Variants in FNDC1 observed in about 807,000 individuals in gnomAD.
FNDC1 encodes the protein fibronectin type III domain-containing protein 1.
In FNDC1, 96 loss-of-function variants were observed where a neutral mutation model predicts 168.0. The ratio of observed to expected loss-of-function variants is 0.57; its 90% CI spans 0.48 to 0.68. The LOEUF (loss-of-function observed/expected upper bound fraction) is 0.68, where lower values mean the gene tolerates loss of function less well. Among genes scored for constraint, FNDC1 ranks in the 30% least tolerant of loss-of-function variants. The probability of loss-of-function intolerance (pLI) is 0.00; values close to 1 mark genes in which losing one functional copy is unlikely to be tolerated. For missense variants in FNDC1, 2,587 were observed against 2,482.1 expected (o/e 1.04, Z -0.90); for synonymous variants, 1,099 against 1,025.9 (o/e 1.07, Z -1.36).
At chr6:159,225,120 A>G (rs1406072203) in intron 7 of FNDC1, among the ~76,000 whole-genome samples, 2 of 151,974 alleles carry the variant, frequency 1.3e-5, no homozygotes, top group Non-Finnish European at 2.9e-5. Flanking sequence ...TCTTTTCTGG[A>G]GAGCTGAGAT....
intron 18 of FNDC1, among the ~76,000 whole-genome samples, chr6:159,257,354 G>A (rs543833311): frequency 2.6e-5 from 4 of 152,310 alleles, no homozygotes; most frequent in Admixed American, 2.0e-4. Flanking sequence ...TTGGTTGATA[G>A]CATTTGCCAA....
rs772744362 is a variant in FNDC1 at position 159,232,236 on chromosome 6, C to A, written c.1724C>A (p.Ser575Ter). The part of the protein sequence containing the change: ...TLRPPSRHGH[S>*]VVAPGRTAVR... ...AGGCCGCCAAGTAGACACGGCCACTCGGTGGTTGCTCCCGGCAGGACTGCA... is the reference window on the plus strand; with the variant it reads ...AGGCCGCCAAGTAGACACGGCCACTAGGTGGTTGCTCCCGGCAGGACTGCA... Residue 575 changes from serine (S) to a stop codon, truncating the protein, a stop_gained, in exon 11 of 23, where the codon TCG (serine) becomes TAG (stop). Transcript: ENST00000297267. LOFTEE classifies it high-confidence loss of function. The surrounding 1 kb of genome is among the most constrained non-coding windows in gnomAD (Gnocchi z 4.9). 6.2e-7 allele frequency: 1 copy of A among 1,612,080 alleles called. No individual in the cohort carries two copies.
chr6:159,236,074 T>C, intron 11 of FNDC1, 141 bp from the exon 12 acceptor site: 1 of 593,404 alleles, frequency 1.7e-6, no homozygotes, highest in East Asian at 2.8e-5. Flanking sequence ...TTATCTAATA[T>C]ATTTGAGCTA....
In FNDC1 at chr6:159,233,639, C is replaced by T. The variant is rs1783161930; in HGVS notation, c.3127C>T (p.Pro1043Ser). 2 of 1,555,800 alleles carry T rather than the reference C, an allele frequency of 1.3e-6. No individual in the cohort carries two copies. The highest frequency in any genetic ancestry group is 1.4e-5 in the African/African-American group (1 of 73,320). ...LSLTQAGRPRPTSQGRSHSSS... is the reference protein window; with the variant it reads ...LSLTQAGRPRSTSQGRSHSSS... Reference sequence around the variant, plus strand: ...ACTGACCCAGGCCGGGCGGCCCCGCCCCACGTCGCAGGGCCGCTCCCACTC... The same window carrying T: ...ACTGACCCAGGCCGGGCGGCCCCGCTCCACGTCGCAGGGCCGCTCCCACTC... The change falls in exon 11 of 23, where the codon CCC becomes TCC. Residue 1043 changes from proline to serine, a missense_variant. Coordinates refer to ENST00000297267, the MANE Select transcript of FNDC1 (RefSeq NM_032532.3). The surrounding 1 kb of genome is among the most constrained non-coding windows in gnomAD (Gnocchi z 4.6).
In FNDC1 at chr6:159,220,828, G is replaced by T. The variant is rs9457571; in HGVS notation, c.668-770G>T. The stretch of plus-strand genomic sequence containing the variant: ...AAAGGCTGGCCCTCCCTGTGCACGG[G>T]TTTGGCACCTCTGGAATACAATCCT... On this transcript the variant is annotated intron_variant, in intron 5 of 22. Coordinates refer to ENST00000297267, the MANE Select transcript of FNDC1 (RefSeq NM_032532.3). 5.4e-4 allele frequency among the ~76,000 whole-genome samples: 83 copies of T among 152,298 alleles called. 1 individual carries two copies. The highest frequency in any genetic ancestry group is 1.9e-3 in the African/African-American group (81 of 41,566).
chr6:159,258,502 G>A (rs544173871), intron 18 of FNDC1, among the ~76,000 whole-genome samples: 1 of 152,316 alleles, frequency 6.6e-6, no homozygotes, highest in Non-Finnish European at 1.5e-5. Context: ...CAGAGAGGAT[G>A]TCTCAAAGAA....
intron 5 of FNDC1, among the ~76,000 whole-genome samples, chr6:159,216,615 G>A (rs1358258347): frequency 6.6e-6 from 1 of 152,210 alleles, no homozygotes; most frequent in Non-Finnish European, 1.5e-5. Context: ...GTTGGAAGGA[G>A]CATGGGGCAA....
At position 159,232,439 on chromosome 6, in the gene FNDC1, G is replaced by A. The variant is rs1783110621; in HGVS notation, c.1927G>A (p.Asp643Asn). ...CCTGCCTGCCAGCTTGAATGACAAC[G>A]ACTTGGTGGACTCAGACGAAGATGA... ...PSLPASLNDN[D>N]LVDSDEDERA... The change falls in exon 11 of 23, where the codon GAC (aspartate) becomes AAC (asparagine). Residue 643 changes from aspartate (D) to asparagine (N), a missense_variant. Physicochemically the swap from Asp to Asn is conservative, Grantham distance 23 (BLOSUM62 1). Coordinates refer to ENST00000297267, the MANE Select transcript of FNDC1 (RefSeq NM_032532.3). The surrounding 1 kb of genome is among the most constrained non-coding windows in gnomAD (Gnocchi z 4.9). 1.2e-6 allele frequency: 2 copies of A among 1,611,748 alleles called. No homozygotes were observed. The highest frequency in any genetic ancestry group is 1.1e-5 in the South Asian group (1 of 90,912).
chr6:159,184,760 A>G (rs1781957506), intron 1 of FNDC1, among the ~76,000 whole-genome samples: 1 of 152,196 alleles, frequency 6.6e-6, no homozygotes, highest in African/African-American at 2.4e-5. Context: ...CTGGCATGCC[A>G]AGCAGTTTAT....
At chr6:159,186,747 G>A (rs113942286) in intron 1 of FNDC1, among the ~76,000 whole-genome samples, 90 of 152,330 alleles carry the variant, frequency 5.9e-4, no homozygotes, top group African/African-American at 1.9e-3. Context: ...TGGTGGTGGC[G>A]CTGACAGTCT....
chr6:159,257,267 T>C (rs1287716639), intron 18 of FNDC1, among the ~76,000 whole-genome samples: 2 of 152,140 alleles, frequency 1.3e-5, no homozygotes, highest in Admixed American at 6.5e-5. Context: ...CCTGGGTGGG[T>C]GAGCATGGGA....
At chr6:159,191,052 G>A (rs1320829300) in intron 1 of FNDC1, among the ~76,000 whole-genome samples, 2 of 152,218 alleles carry the variant, frequency 1.3e-5, no homozygotes, top group Non-Finnish European at 2.9e-5. Flanking sequence ...CAAAGGGGAA[G>A]CAAGAACGTC....
chr6:159,251,169 A>G, intron 16 of FNDC1, 133 bp from the exon 17 acceptor site: 1 of 652,794 alleles, frequency 1.5e-6, no homozygotes, highest in Middle Eastern at 2.5e-4. Flanking sequence ...TGAGCTTGGC[A>G]TCAAGGCTGA....
chr6:159,266,684 T>G (rs865905549), intron 21 of FNDC1, among the ~76,000 whole-genome samples: 616 of 17,348 alleles, frequency 0.036, 1 homozygote, highest in Non-Finnish European at 0.052. Flanking sequence ...TCTAGGGTTT[T>G]TTTTTTTTTT....
rs867385782 is a variant in FNDC1 at position 159,256,744 on chromosome 6, C to G, written c.5174+113C>G. The G allele has an allele frequency of 6.0e-5, 47 of 785,180 alleles. No individual in the cohort carries two copies. The Admixed American group carries it at 6.9e-4, about 11-fold the overall frequency. 48.6% of individuals were successfully genotyped at this position (785,180 alleles called of 1,614,324 possible). ...ATGTTTTTGTGATTTCTTTGAATACCCTGTTTGGTTCTAATAGAATGTCAA... is the reference window on the plus strand; with the variant it reads ...ATGTTTTTGTGATTTCTTTGAATACGCTGTTTGGTTCTAATAGAATGTCAA... On this transcript the variant is annotated intron_variant, in intron 18 of 22. Transcript: ENST00000297267.
chr6:159,197,211 A>T (rs1426819743), intron 1 of FNDC1, among the ~76,000 whole-genome samples: 6 of 152,184 alleles, frequency 3.9e-5, no homozygotes, highest in African/African-American at 1.4e-4. Flanking sequence ...TAAATTTACC[A>T]CCTACGGTTA....
At position 159,232,398 on chromosome 6, in the gene FNDC1, C is replaced by A. The variant is rs1222250591; in HGVS notation, c.1886C>A (p.Thr629Asn). The A allele has an allele frequency of 6.2e-7, 1 of 1,612,974 alleles. No homozygotes were observed. The highest frequency in any genetic ancestry group is 8.5e-7 in the Non-Finnish European group (1 of 1,179,368). Residue 629 changes from threonine to asparagine, a missense_variant, in exon 11 of 23, where the codon ACC (threonine) becomes AAC (asparagine). Physicochemically the swap from Thr to Asn is moderately conservative, Grantham distance 65. Coordinates refer to ENST00000297267, the MANE Select transcript of FNDC1 (RefSeq NM_032532.3). This position sits in a 1 kb window ranked among gnomAD's most constrained non-coding sequence, Gnocchi z 4.9. ...GCCCACCACGCGTCCACCCAGGGCA[C>A]CTCTCATCGTCCTTCCCTGCCTGCC... is the stretch of plus-strand genomic sequence containing the variant. ...SPAHHASTQG[T>N]SHRPSLPASL...
At chr6:159,171,358 C>A (rs1286275360) in intron 1 of FNDC1, among the ~76,000 whole-genome samples, 1 of 152,176 alleles carries the variant, frequency 6.6e-6, no homozygotes, top group African/African-American at 2.4e-5. Context: ...GACATAGCAA[C>A]CTGTAGATAG....
intron 8 of FNDC1, 61 bp from the exon 9 acceptor site, chr6:159,226,412 A>G (rs1234573888): frequency 2.3e-6 from 3 of 1,306,566 alleles, no homozygotes; most frequent in Admixed American, 4.2e-5. Flanking sequence ...ACCATGTGCT[A>G]TTTACATCTA....
Sources: allele counts gnomAD v4.1 joint callset (sites outside exome capture counted in the v4.1 genomes callset), GRCh38; gene constraint gnomAD v4.1.1; non-coding constraint Gnocchi (gnomAD v3.1); transcripts MANE v1.5; gene names NCBI Gene and HGNC (gene_info 2026-07-23, HGNC 2026-07-21).